ITPRID1: variants seen among roughly 807,000 people sequenced by gnomAD.
ITPRID1 encodes protein ITPRID1.
A neutral mutation model predicts 95.4 loss-of-function variants in ITPRID1; 96 were observed. The observed-to-expected ratio is 1.01, with a 90% CI of 0.85 to 1.19. The LOEUF is 1.19. Among genes scored for constraint, ITPRID1 ranks in the 50% most tolerant of loss-of-function variants. The pLI, the probability that ITPRID1 is intolerant of heterozygous loss-of-function variation, is 0.00. For synonymous variants in ITPRID1, 510 were observed against 453.6 expected, an observed-to-expected ratio of 1.12 and a Z score of -1.58; for missense variants, 1,339 against 1,252.9, an observed-to-expected ratio of 1.07 and a Z score of -1.04.
rs1048353024 is a variant in ITPRID1 at position 31,578,369 on chromosome 7, A to T, written c.1105A>T (p.Thr369Ser). The T allele has an allele frequency of 3.7e-6, 6 of 1,613,542 alleles. No individual in the cohort carries two copies. Among genetic ancestry groups the T allele is most frequent in the Non-Finnish European group, 4.2e-6 (5 of 1,179,760 alleles). Residue 369 changes from threonine (T) to serine (S), a missense_variant, in exon 9 of 15, where the codon ACT becomes TCT. By Grantham distance (58) the Thr-to-Ser change is moderately conservative. Transcript: ENST00000615280. The part of the protein sequence containing the change: ...GRTQKENLFQ[T>S]NKLKSLSHLA... The stretch of plus-strand genomic sequence containing the variant: ...AACTCAGAAGGAGAACTTATTTCAG[A>T]CTAACAAGCTCAAGAGCTTGTCTCA...
Position 31,651,954 on chromosome 7 carries a change from A to G in ITPRID1, c.2727A>G (p.Gln909=). The change falls in exon 14 of 15, where the codon CAA becomes CAG. Residue 909 remains glutamine, a synonymous_variant. Coordinates refer to ENST00000615280, the MANE Select transcript of ITPRID1 (RefSeq NM_001257967.3). ...MSEEEREEAE[Q]LQTLREALRQ... ...TTACTTGCAGGGAGGAGGCCGAGCA[A>G]CTGCAAACGTTACGTGAGGCCCTGA... 1 of 1,598,516 alleles carries G rather than the reference A, an allele frequency of 6.3e-7. No homozygotes were observed. Among genetic ancestry groups the G allele is most frequent in the Non-Finnish European group, 8.5e-7 (1 of 1,172,520 alleles).
intron 11 of ITPRID1, 90 bp downstream of exon 11, chr7:31,642,348 A>G (rs1790100129): frequency 1.2e-6 from 1 of 869,178 alleles, no homozygotes; most frequent in Admixed American, 2.9e-5. Context: ...CCTCACTCAC[A>G]GCTAACTCAG....
At chr7:31,617,132 A>G (rs1243078059) in intron 10 of ITPRID1, among the ~76,000 whole-genome samples, 2 of 152,188 alleles carry the variant, frequency 1.3e-5, no homozygotes, top group Non-Finnish European at 2.9e-5. Context: ...TAATTTATCA[A>G]CTTGTTCAGT....
At chr7:31,521,817 C>T (rs899007459) in intron 1 of ITPRID1, among the ~76,000 whole-genome samples, 4 of 151,302 alleles carry the variant, frequency 2.6e-5, no homozygotes, top group Non-Finnish European at 5.9e-5. Flanking sequence ...TCAAACTTGC[C>T]GGCTCAAGTG....
downstream of ITPRID1, chr7:31,658,236 T>C (rs574940135): frequency 9.0e-5 from 132 of 1,469,726 alleles, no homozygotes; most frequent in African/African-American, 1.8e-3. Context: ...AATGTTGCAT[T>C]AGGTTTTGTT....
chr7:31,544,228 T>C (rs1784022770), intron 1 of ITPRID1, among the ~76,000 whole-genome samples: 2 of 152,088 alleles, frequency 1.3e-5, no homozygotes, highest in South Asian at 2.1e-4. Flanking sequence ...TTTGTAGATA[T>C]TTTTTATCAA....
At chr7:31,534,110 T>A (rs1783685917) in intron 1 of ITPRID1, among the ~76,000 whole-genome samples, 1 of 152,156 alleles carries the variant, frequency 6.6e-6, no homozygotes, top group Admixed American at 6.5e-5. Flanking sequence ...TGCCTGATAA[T>A]CTGAGGTGGA....
chr7:31,610,802 G>A (rs994546062), intron 10 of ITPRID1, among the ~76,000 whole-genome samples: 3 of 151,174 alleles, frequency 2.0e-5, no homozygotes, highest in Non-Finnish European at 4.4e-5. Flanking sequence ...GTTACTATTT[G>A]GATAATATAT....
intron 6 of ITPRID1, among the ~76,000 whole-genome samples, chr7:31,570,604 G>C (rs534912045): frequency 1.3e-5 from 2 of 152,256 alleles, no homozygotes; most frequent in South Asian, 4.1e-4. Flanking sequence ...TGCAGGATTG[G>C]TTGTTTTTGC....
At chr7:31,652,402 A>G (rs770629734) in intron 14 of ITPRID1, 116 bp from the exon 15 acceptor site, 6 of 1,431,842 alleles carry the variant, frequency 4.2e-6, no homozygotes, top group Non-Finnish European at 5.5e-6. Context: ...TGCTGGCTCA[A>G]AGAGCCCATT....
chr7:31,619,148 G>A (rs1445515997), intron 10 of ITPRID1, among the ~76,000 whole-genome samples: 1 of 152,208 alleles, frequency 6.6e-6, no homozygotes, highest in Non-Finnish European at 1.5e-5. Flanking sequence ...TTCAAAAGCA[G>A]TTTTAGCTGC....
intron 10 of ITPRID1, among the ~76,000 whole-genome samples, chr7:31,635,346 T>C (rs1433387154): frequency 6.6e-6 from 1 of 152,204 alleles, no homozygotes; most frequent in East Asian, 1.9e-4. Flanking sequence ...CACATTTTGC[T>C]TGGTGAATCT....
chr7:31,522,050 A>G (rs958230803), intron 1 of ITPRID1, among the ~76,000 whole-genome samples: 4 of 150,522 alleles, frequency 2.7e-5, no homozygotes, highest in Non-Finnish European at 5.9e-5. Context: ...AAAGATTTTT[A>G]TTTTCTTACC....
chr7:31,568,697 G>T (rs548953379), intron 5 of ITPRID1, among the ~76,000 whole-genome samples: 3 of 152,200 alleles, frequency 2.0e-5, no homozygotes, highest in African/African-American at 7.2e-5. Context: ...CCTCTATTCT[G>T]TCTTCAGCAC....
intron 10 of ITPRID1, among the ~76,000 whole-genome samples, chr7:31,596,752 TG>T (rs570807369): frequency 6.6e-6 from 1 of 151,424 alleles, no homozygotes; most frequent in Non-Finnish European, 1.5e-5. Context: ...CAGAAATAAG[TG>T]TAGATGAATA....
At position 31,656,177 on chromosome 7, in the gene ITPRID1, A is replaced by G. The variant is rs1364232516; in HGVS notation, c.*3348A>G. ...AAACCTCCTGTCTTGTGTTACCATT[A>G]TCTGTGTAGGTCATATCTTCTCTAG... On this transcript the variant is annotated 3_prime_UTR_variant, in exon 15 of 15. Coordinates refer to ENST00000615280, the MANE Select transcript of ITPRID1 (RefSeq NM_001257967.3). 3.6e-6 allele frequency: 1 copy of G among 277,196 alleles called. No individual in the cohort carries two copies. The highest frequency in any genetic ancestry group is 2.3e-5 in the African/African-American group (1 of 43,708). The allele number at this position is 277,196 out of a possible 1,614,324, so 17.2% of individuals were successfully genotyped here.
At chr7:31,563,742 C>T (rs781200076) in intron 5 of ITPRID1, among the ~76,000 whole-genome samples, 1 of 151,388 alleles carries the variant, frequency 6.6e-6, no homozygotes, top group African/African-American at 2.4e-5. Context: ...CTTGAGGTGA[C>T]GAGGGTTTAC....
intron 10 of ITPRID1, among the ~76,000 whole-genome samples, chr7:31,612,465 A>G (rs1341275150): frequency 6.6e-6 from 1 of 152,102 alleles, no homozygotes; most frequent in Non-Finnish European, 1.5e-5. Context: ...TGATAATATG[A>G]AAACTCTTGA....
chr7:31,640,796 T>C (rs1789950994), intron 10 of ITPRID1, among the ~76,000 whole-genome samples: 1 of 152,188 alleles, frequency 6.6e-6, no homozygotes, highest in South Asian at 2.1e-4. Flanking sequence ...CTTAACTGTG[T>C]AACAAGAGGC....
Sources: allele counts gnomAD v4.1 joint callset (sites outside exome capture counted in the v4.1 genomes callset), GRCh38; gene constraint gnomAD v4.1.1; transcripts MANE v1.5; gene names NCBI Gene and HGNC (gene_info 2026-07-23, HGNC 2026-07-21).